Variants in PLCL1 observed in about 807,000 individuals in gnomAD.
PLCL1 encodes phospholipase C like 1 (inactive).
PLCL1 carries 41 observed loss-of-function variants against 84.4 expected under a neutral mutation model. The observed-to-expected ratio is 0.49, with a 90% confidence interval of 0.38 to 0.63. PLCL1 has a LOEUF of 0.63. Among genes scored for constraint, PLCL1 ranks in the 30% least tolerant of loss-of-function variants. The pLI is 0.00. For synonymous variants in PLCL1, 490 were observed against 488.3 expected (o/e 1.00, Z -0.05); for missense variants, 1,206 against 1,367.8 (o/e 0.88, Z 1.87).
At chr2:197,937,160 T>C (rs779487684) in intron 1 of PLCL1, among the ~76,000 whole-genome samples, 1 of 152,210 alleles carries the variant, frequency 6.6e-6, no homozygotes, top group Non-Finnish European at 1.5e-5. Flanking sequence ...TTTATGCCAG[T>C]AGCACACTGT....
chr2:198,064,433 T>C (rs546363118), intron 1 of PLCL1, among the ~76,000 whole-genome samples: 4 of 152,350 alleles, frequency 2.6e-5, no homozygotes, highest in Non-Finnish European at 5.9e-5. Flanking sequence ...TAATAGATTT[T>C]GTCCATATTA....
At chr2:197,892,905 G>A (rs1363555955) in intron 1 of PLCL1, among the ~76,000 whole-genome samples, 1 of 152,172 alleles carries the variant, frequency 6.6e-6, no homozygotes, top group East Asian at 1.9e-4. Flanking sequence ...TGAGGCAGGA[G>A]AATCGCTTGA....
intron 1 of PLCL1, among the ~76,000 whole-genome samples, chr2:197,902,258 T>A (rs1688282683): frequency 6.6e-6 from 1 of 152,196 alleles, no homozygotes; most frequent in Non-Finnish European, 1.5e-5. Context: ...CTTGTGAATC[T>A]ATAGACCCTG....
intron 1 of PLCL1, among the ~76,000 whole-genome samples, chr2:198,071,411 ATATAT>A (rs1349223313): frequency 6.6e-6 from 1 of 151,932 alleles, no homozygotes; most frequent in African/African-American, 2.4e-5. Context: ...ATGTTTTAAA[ATATAT>A]TATTACATTA....
At chr2:197,912,066 C>T (rs940548121) in intron 1 of PLCL1, among the ~76,000 whole-genome samples, 3 of 152,212 alleles carry the variant, frequency 2.0e-5, no homozygotes, top group Admixed American at 1.3e-4. Flanking sequence ...ACAGGGAACA[C>T]TGAATCTATA....
At chr2:198,097,746 G>A (rs1283543779) in intron 3 of PLCL1, among the ~76,000 whole-genome samples, 7 of 152,094 alleles carry the variant, frequency 4.6e-5, no homozygotes, top group African/African-American at 1.4e-4. Flanking sequence ...CTTGTCCTGC[G>A]CCATTACAAA....
At chr2:198,011,834 T>C (rs1559073330) in intron 1 of PLCL1, among the ~76,000 whole-genome samples, 1 of 152,180 alleles carries the variant, frequency 6.6e-6, no homozygotes, top group African/African-American at 2.4e-5. Flanking sequence ...TCCTGGTGAA[T>C]TGACCCTTTT....
Position 197,994,523 on chromosome 2 carries a change from G to A in PLCL1, c.241-89235G>A, listed in dbSNP as rs376125146. ...CTTCATATTTGGGGATATAAGATAT[G>A]CTTTCTTTGACATTTTCCCAATGTA... On this transcript the variant is annotated intron_variant, in intron 1 of 5. Transcript: ENST00000428675. Among the ~76,000 whole-genome samples, 35 of 152,300 alleles carry A rather than the reference G, an allele frequency of 2.3e-4. 1 individual carries two copies. Among genetic ancestry groups the A allele is most frequent in the African/African-American group, 7.7e-4 (32 of 41,574 alleles).
In PLCL1 at chr2:198,084,211, A is replaced by T. The variant is rs752918197; in HGVS notation, c.694A>T (p.Met232Leu). The change falls in exon 2 of 6, where the codon ATG becomes TTG. Residue 232 changes from methionine (M) to leucine (L), a missense_variant. By Grantham distance (15) the Met-to-Leu change is conservative. Coordinates refer to ENST00000428675, the MANE Select transcript of PLCL1 (RefSeq NM_006226.4). ...VSRSKQPLDF[M>L]EGNQNTPRFM... Reference sequence around the variant, plus strand: ...TCGAAGTAAGCAGCCTCTTGATTTTATGGAGGGCAACCAGAACACACCACG... The same window carrying T: ...TCGAAGTAAGCAGCCTCTTGATTTTTTGGAGGGCAACCAGAACACACCACG... The T allele has an allele frequency of 6.2e-6, 10 of 1,614,066 alleles. No individual in the cohort carries two copies. The East Asian group carries it at 2.2e-4, about 36-fold the overall frequency.
intron 1 of PLCL1, among the ~76,000 whole-genome samples, chr2:197,935,556 T>A (rs1689035430): frequency 6.6e-6 from 1 of 152,110 alleles, no homozygotes; most frequent in South Asian, 2.1e-4. Flanking sequence ...AAGTGGGAAC[T>A]GAACATTGAG....
At chr2:197,945,156 A>G (rs1246681427) in intron 1 of PLCL1, among the ~76,000 whole-genome samples, 2 of 152,218 alleles carry the variant, frequency 1.3e-5, no homozygotes, top group African/African-American at 4.8e-5. Flanking sequence ...TATAGACCAA[A>G]TTAGTCACGG....
chr2:197,972,536 C>T (rs146759659), intron 1 of PLCL1, among the ~76,000 whole-genome samples: 1 of 152,238 alleles, frequency 6.6e-6, no homozygotes, highest in African/African-American at 2.4e-5. Flanking sequence ...AATTATCCTT[C>T]ATCATCAGTT....
At chr2:198,078,605 A>G (rs1692637246) in intron 1 of PLCL1, among the ~76,000 whole-genome samples, 1 of 152,262 alleles carries the variant, frequency 6.6e-6, no homozygotes, top group Admixed American at 6.5e-5. Flanking sequence ...GTTCAGTGTT[A>G]TGAAACAAAG....
chr2:198,099,092 C>G (rs1252964089), intron 3 of PLCL1, among the ~76,000 whole-genome samples: 1 of 152,154 alleles, frequency 6.6e-6, no homozygotes, highest in Non-Finnish European at 1.5e-5. Context: ...GCAAAGGCAA[C>G]TAGCAGCTCA....
rs1694594076 is a variant in PLCL1 at position 198,149,427 on chromosome 2, GC to G, written c.*2468del. On this transcript the variant is annotated 3_prime_UTR_variant, in exon 6 of 6. Transcript: ENST00000428675. Reference sequence around the variant, plus strand: ...TCACTGGCATTTTACAGGTGAGAAAGCCCAAAGCCACTGAGGTAATTAATGG... The same window carrying G: ...TCACTGGCATTTTACAGGTGAGAAAGCCAAAGCCACTGAGGTAATTAATGG... The G allele has an allele frequency of 6.6e-6, 1 of 152,154 alleles. No homozygotes were observed. Among genetic ancestry groups the G allele is most frequent in the South Asian group, 2.1e-4 (1 of 4,830 alleles). The allele number at this position is 152,154 out of a possible 1,614,324, so 9.4% of individuals were successfully genotyped here. A position where few individuals can be genotyped will look rare whatever the true frequency, so the allele number is the denominator to read the frequency against.
At chr2:198,023,911 G>T (rs752730050) in intron 1 of PLCL1, among the ~76,000 whole-genome samples, 32 of 152,140 alleles carry the variant, frequency 2.1e-4, no homozygotes, top group Non-Finnish European at 4.0e-4. Flanking sequence ...ATACCCAAAG[G>T]ATTATAAATC....
In PLCL1 at chr2:197,832,312, G is replaced by A. The variant is rs545825975; in HGVS notation, c.240+26973G>A. On this transcript the variant is annotated intron_variant, in intron 1 of 5. Transcript: ENST00000428675. ...AATCAAATAGACACAATAAAAAATG[G>A]TAAAGGGGAGATCACCACCGATCCC... Among the ~76,000 whole-genome samples the A allele has an allele frequency of 4.5e-4, 68 of 151,922 alleles. 2 individuals are homozygous for A. In the South Asian group the frequency reaches 1.0e-2, roughly 22 times the overall value.
intron 1 of PLCL1, among the ~76,000 whole-genome samples, chr2:197,990,987 G>A (rs1034784234): frequency 1.3e-5 from 2 of 152,128 alleles, no homozygotes; most frequent in Non-Finnish European, 2.9e-5. Context: ...GGGAGTGAAG[G>A]TTAATTTTAC....
intron 1 of PLCL1, among the ~76,000 whole-genome samples, chr2:197,957,892 A>T (rs999979868): frequency 2.0e-5 from 3 of 152,086 alleles, no homozygotes; most frequent in African/African-American, 7.2e-5. Context: ...TACAAGATCT[A>T]TCAAATATTT....
Sources: gnomAD v4.1 joint callset for allele counts (sites outside exome capture counted in the v4.1 genomes callset) on GRCh38, gnomAD v4.1.1 for gene constraint, MANE v1.5 for transcripts, NCBI Gene and HGNC (gene_info 2026-07-23, HGNC 2026-07-21) for gene names.